Variants in CSTF3 observed in about 807,000 individuals in gnomAD.
The protein encoded by CSTF3 is CF-1 77 kDa subunit.
CSTF3 carries 29 observed loss-of-function variants against 105.8 expected under a neutral mutation model. The ratio of observed to expected loss-of-function variants is 0.27; its 90% CI spans 0.20 to 0.37. The LOEUF is 0.37. Ranked by LOEUF, CSTF3 falls within the 10% of genes least tolerant of loss-of-function variation. The pLI is 1.00. For synonymous variants in CSTF3, 252 were observed against 281.9 expected (o/e 0.89, Z 1.06); for missense variants, 357 against 879.3 (o/e 0.41, Z 7.51).
rs373000299 is a variant in CSTF3 at position 33,146,679 on chromosome 11, G to C, written c.28-4693C>G. On this transcript the variant is annotated intron_variant, in intron 1 of 20. Coordinates refer to ENST00000323959, the MANE Select transcript of CSTF3 (RefSeq NM_001326.3). ...CATGGAAAATAAAAAGTGATGGTGA[G>C]CAGGGAGACATGCAAACAACACATA... Among the ~76,000 whole-genome samples the C allele has an allele frequency of 4.1e-4, 62 of 151,388 alleles. 1 individual carries two copies. Among genetic ancestry groups the C allele is most frequent in the African/African-American group, 1.5e-3 (62 of 41,240 alleles).
At chr11:33,147,387 G>A (rs1384018666) in intron 1 of CSTF3, among the ~76,000 whole-genome samples, 2 of 150,118 alleles carry the variant, frequency 1.3e-5, no homozygotes, top group African/African-American at 4.9e-5. Context: ...ACGAGGTCAG[G>A]AGTTCGAGAC....
At position 33,090,550 on chromosome 11, in the gene CSTF3, T is replaced by C; in HGVS notation, c.1623A>G (p.Leu541=). 1 of 1,596,230 alleles carries C rather than the reference T, an allele frequency of 6.3e-7. No individual in the cohort carries two copies. Among genetic ancestry groups the C allele is most frequent in the Non-Finnish European group, 8.5e-7 (1 of 1,173,954 alleles). The part of the protein sequence containing the change: ...MDLYPCSASE[L]KALGYKDVSR... Reference sequence around the variant, plus strand: ...TACATACCTTATAACCAAGTGCTTTTAATTCACTTGCAGAGCAAGGATATA... The same window carrying C: ...TACATACCTTATAACCAAGTGCTTTCAATTCACTTGCAGAGCAAGGATATA... Residue 541 remains leucine (L), a synonymous_variant, in exon 17 of 21, where the codon TTA becomes TTG. Transcript: ENST00000323959.
rs369112001 is a variant in CSTF3 at position 33,090,691 on chromosome 11, A to G, written c.1482T>C (p.Asn494=). The G allele has an allele frequency of 7.4e-5, 115 of 1,562,516 alleles. No individual in the cohort carries two copies. Among genetic ancestry groups the G allele is most frequent in the Non-Finnish European group, 9.5e-5 (110 of 1,159,218 alleles). The change falls in exon 17 of 21, where the codon AAT becomes AAC. Residue 494 remains asparagine (N), a synonymous_variant. Transcript: ENST00000323959. ...TGAGTATACTAGCTAGATCACCAAT[A>G]TTACTTTCAAATGCTAGAAATCGGG... The part of the protein sequence containing the change: ...IWARFLAFES[N]IGDLASILKV...
At chr11:33,111,313 A>G in intron 3 of CSTF3, among the ~76,000 whole-genome samples, 1 of 152,250 alleles carries the variant, frequency 6.6e-6, no homozygotes. Flanking sequence ...AAAACAGTTT[A>G]AAAATCAAAT....
At position 33,115,012 on chromosome 11, in the gene CSTF3, G is replaced by A. The variant is rs117303518; in HGVS notation, c.226-6594C>T. Among the ~76,000 whole-genome samples the A allele has an allele frequency of 6.8e-4, 104 of 152,214 alleles. 2 individuals are homozygous for A. The East Asian group carries it at 0.019, about 28-fold the overall frequency. On this transcript the variant is annotated intron_variant, in intron 3 of 20. Transcript: ENST00000323959. Reference sequence around the variant, plus strand: ...ACACTTAGGTTTTCAGACAGTACTGGGCACATAGCAGAGGCAGGGCTAGGA... The same window carrying A: ...ACACTTAGGTTTTCAGACAGTACTGAGCACATAGCAGAGGCAGGGCTAGGA...
At chr11:33,103,594 C>A (rs950907839) in intron 8 of CSTF3, among the ~76,000 whole-genome samples, 4 of 152,000 alleles carry the variant, frequency 2.6e-5, no homozygotes, top group African/African-American at 7.3e-5. Flanking sequence ...ATGGTGAAAC[C>A]CCGTTTCTAC....
Position 33,090,799 on chromosome 11 carries a change from G to A in CSTF3, c.1446-72C>T, listed in dbSNP as rs986904308. 1.3e-4 allele frequency: 129 copies of A among 980,866 alleles called. 1 individual carries two copies. The East Asian group carries it at 2.5e-3, about 19-fold the overall frequency. 60.8% of individuals were successfully genotyped at this position (980,866 alleles called of 1,614,324 possible). A position where few individuals can be genotyped will look rare whatever the true frequency, so the allele number is the denominator to read the frequency against. ...GGGCAGGGAGTTCATTTACAAAAAC[G>A]CCTTAAGCTCTCTCTTTTTCCCTTA... is the stretch of plus-strand genomic sequence containing the variant. On this transcript the variant is annotated intron_variant, in intron 16 of 20. Coordinates refer to ENST00000323959, the MANE Select transcript of CSTF3 (RefSeq NM_001326.3).
chr11:33,154,685 C>T (rs1254469158), intron 1 of CSTF3, among the ~76,000 whole-genome samples: 2 of 151,752 alleles, frequency 1.3e-5, no homozygotes, highest in Non-Finnish European at 2.9e-5. Context: ...TTAGTAGAGA[C>T]GGAGTTTCAC....
intron 3 of CSTF3, among the ~76,000 whole-genome samples, chr11:33,130,372 C>T (rs1644749470): frequency 6.6e-6 from 1 of 152,126 alleles, no homozygotes; most frequent in Non-Finnish European, 1.5e-5. Flanking sequence ...ACTCGGGAGG[C>T]TGAGCCAGGA....
intron 17 of CSTF3, among the ~76,000 whole-genome samples, chr11:33,089,564 T>G (rs1463216820): frequency 1.3e-5 from 2 of 152,226 alleles, no homozygotes; most frequent in African/African-American, 4.8e-5. Flanking sequence ...TAGTTAAAAC[T>G]AGAAGCAGAA....
chr11:33,137,656 C>G (rs541501104), intron 3 of CSTF3, among the ~76,000 whole-genome samples: 14 of 151,694 alleles, frequency 9.2e-5, no homozygotes, highest in African/African-American at 2.9e-4. Context: ...ATCTAAGAAA[C>G]TAGATAAAAA....
chr11:33,118,571 T>C (rs186662613), intron 3 of CSTF3, among the ~76,000 whole-genome samples: 1 of 151,966 alleles, frequency 6.6e-6, no homozygotes, highest in East Asian at 1.9e-4. Flanking sequence ...CATGGCTCAA[T>C]TGGTTTTGCT....
intron 1 of CSTF3, among the ~76,000 whole-genome samples, chr11:33,146,998 T>C (rs547035120): frequency 1.4e-4 from 21 of 151,924 alleles, no homozygotes; most frequent in Non-Finnish European, 2.6e-4. Context: ...GACACTGGTC[T>C]CTACAAAAAA....
Position 33,104,369 on chromosome 11 carries a change from C to T in CSTF3, c.586-1185G>A, listed in dbSNP as rs1463247891. The stretch of plus-strand genomic sequence containing the variant: ...AGTATTATAACACACTAAATGGAAG[C>T]AGATATGAAAATCCAGCTGTTTTCT... On this transcript the variant is annotated intron_variant, in intron 8 of 20. Transcript: ENST00000323959. 2.0e-5 allele frequency among the ~76,000 whole-genome samples: 3 copies of T among 152,062 alleles called. No homozygotes were observed. The East Asian group carries it at 5.8e-4, about 29-fold the overall frequency.
chr11:33,085,815 A>C, intron 19 of CSTF3, 42 bp from the exon 20 acceptor site: 1 of 1,598,922 alleles, frequency 6.3e-7, no homozygotes, highest in Non-Finnish European at 8.6e-7. Context: ...GTAATCTGAC[A>C]AGTTAAAGTA....
intron 1 of CSTF3, among the ~76,000 whole-genome samples, chr11:33,150,747 TTGGGAGGATGAGG>T (rs1207269649): frequency 6.6e-6 from 1 of 151,856 alleles, no homozygotes; most frequent in Non-Finnish European, 1.5e-5. Context: ...TCCCAGCTAC[TTGGGAGGATGAGG>T]TGGGAGGATG....
intron 20 of CSTF3, 45 bp downstream of exon 20, chr11:33,085,666 GAC>G (rs1855097606): frequency 6.7e-7 from 1 of 1,491,232 alleles, no homozygotes; most frequent in East Asian, 2.3e-5. Context: ...CTGCCTATGA[GAC>G]AACAACGTGG....
At chr11:33,105,509 A>G (rs1179032932) in intron 8 of CSTF3, 58 bp downstream of exon 8, 1 of 1,473,088 alleles carries the variant, frequency 6.8e-7, no homozygotes, top group African/African-American at 1.4e-5. Flanking sequence ...CAAATCCACA[A>G]TGCATAGAAA....
intron 1 of CSTF3, among the ~76,000 whole-genome samples, chr11:33,142,807 A>G (rs1410559853): frequency 6.6e-6 from 1 of 152,212 alleles, no homozygotes; most frequent in East Asian, 1.9e-4. Context: ...AATCCATTCA[A>G]TGTTTGACTT....
Sources: allele counts gnomAD v4.1 joint callset (sites outside exome capture counted in the v4.1 genomes callset), GRCh38; gene constraint gnomAD v4.1.1; transcripts MANE v1.5; gene names NCBI Gene and HGNC (gene_info 2026-07-23, HGNC 2026-07-21).